Variants in DAB1 observed in about 807,000 individuals in gnomAD.
The protein encoded by DAB1 is DAB adaptor protein 1.
Under a neutral mutation model 64.6 loss-of-function variants are expected in DAB1, and 15 were observed. The ratio of observed to expected loss-of-function variants is 0.23; its 90% CI spans 0.16 to 0.36. DAB1 has a LOEUF of 0.36. Ranked by LOEUF, DAB1 falls within the 10% of genes least tolerant of loss-of-function variation. The pLI is 1.00. For synonymous variants in DAB1, 235 were observed against 251.9 expected (o/e 0.93, Z 0.64); for missense variants, 596 against 706.7 (o/e 0.84, Z 1.78).
intron 7 of DAB1, among the ~76,000 whole-genome samples, chr1:57,501,336 G>A (rs1234849814): frequency 2.0e-5 from 3 of 152,220 alleles, no homozygotes; most frequent in African/African-American, 7.2e-5. Context: ...TAGCAGACAG[G>A]TGAATGCGGC....
At chr1:57,163,862 G>A (rs887809068) in intron 2 of DAB1, among the ~76,000 whole-genome samples, 2 of 152,104 alleles carry the variant, frequency 1.3e-5, no homozygotes, top group African/African-American at 2.4e-5. Context: ...TAATACAAAG[G>A]CATCAAAAGC....
chr1:57,308,819 T>C (rs1314213783), intron 1 of DAB1, among the ~76,000 whole-genome samples: 1 of 152,170 alleles, frequency 6.6e-6, no homozygotes, highest in Non-Finnish European at 1.5e-5. Context: ...GGAAGGAAAC[T>C]GACTTACCCT....
chr1:57,214,432 T>A (rs1666254312), intron 2 of DAB1, among the ~76,000 whole-genome samples: 1 of 152,176 alleles, frequency 6.6e-6, no homozygotes, highest in Non-Finnish European at 1.5e-5. Context: ...GAAGAGAGAT[T>A]CTTGTCTGTC....
intron 5 of DAB1, among the ~76,000 whole-genome samples, chr1:57,935,018 C>T (rs2102042643): frequency 6.6e-6 from 1 of 152,310 alleles, no homozygotes; most frequent in South Asian, 2.1e-4. Context: ...AAGACTCAGT[C>T]TCTTGTTCCA....
chr1:58,196,647 G>A lies in DAB1; in HGVS notation n.310-46059C>T, dbSNP rs191947617. 2.6e-5 allele frequency among the ~76,000 whole-genome samples: 4 copies of A among 152,292 alleles called. No homozygotes were observed. The East Asian group carries it at 7.7e-4, about 29-fold the overall frequency. The stretch of plus-strand genomic sequence containing the variant: ...CAGGAAACTTAAAATCACAGCAGAA[G>A]GTGAAGGAGAAGCAAGTGCCTTATT... On this transcript the variant is annotated intron_variant and non_coding_transcript_variant, in intron 4 of 20. Transcript: ENST00000485760.
At chr1:57,010,648 G>T in intron 14 of DAB1, 32 bp downstream of exon 14, 1 of 1,233,940 alleles carries the variant, frequency 8.1e-7, no homozygotes, top group Non-Finnish European at 1.1e-6. Context: ...GATAGCTTAA[G>T]GGTAAAGGAG....
At chr1:57,565,591 A>C (rs541943737) in intron 7 of DAB1, among the ~76,000 whole-genome samples, 1 of 152,316 alleles carries the variant, frequency 6.6e-6, no homozygotes, top group Admixed American at 6.5e-5. Flanking sequence ...CTACCAAGCA[A>C]ATGGAAAACA....
intron 6 of DAB1, among the ~76,000 whole-genome samples, chr1:57,706,511 T>A (rs1646968415): frequency 6.6e-6 from 1 of 151,806 alleles, no homozygotes; most frequent in Non-Finnish European, 1.5e-5. Context: ...TAGAGATGGG[T>A]TTTTGCCATG....
Position 57,020,431 on chromosome 1 carries a change from G to A in DAB1, c.895+3100C>T, listed in dbSNP as rs531030889. ...GAATTATGATCATCCCCATTAAAACGGGGTAAGTTCCCTGAGGCTCAGAAG... is the reference window on the plus strand; with the variant it reads ...GAATTATGATCATCCCCATTAAAACAGGGTAAGTTCCCTGAGGCTCAGAAG... On this transcript the variant is annotated intron_variant, in intron 11 of 14. Transcript: ENST00000371236. Among the ~76,000 whole-genome samples the A allele has an allele frequency of 7.9e-5, 12 of 152,266 alleles. No homozygotes were observed. The South Asian group carries it at 1.5e-3, about 18-fold the overall frequency.
chr1:57,290,542 AG>A (rs1350693186), intron 2 of DAB1, among the ~76,000 whole-genome samples: 2 of 152,280 alleles, frequency 1.3e-5, no homozygotes, highest in Admixed American at 6.5e-5. Flanking sequence ...GGGATGGGGA[AG>A]GGGGGTGGTT....
intron 4 of DAB1, among the ~76,000 whole-genome samples, chr1:58,277,048 T>C (rs189164760): frequency 4.4e-4 from 64 of 145,080 alleles, no homozygotes; most frequent in Admixed American, 1.6e-3. Flanking sequence ...TTTTTTTTTT[T>C]TTTTTTTTTG....
chr1:58,337,384 C>T (rs1435346282), intron 4 of DAB1, among the ~76,000 whole-genome samples: 1 of 151,502 alleles, frequency 6.6e-6, no homozygotes, highest in Non-Finnish European at 1.5e-5. Flanking sequence ...ATAATTTGTA[C>T]CAGAATAATA....
chr1:57,418,179 G>A (rs112942164), intron 1 of DAB1, among the ~76,000 whole-genome samples: 1 of 152,162 alleles, frequency 6.6e-6, no homozygotes, highest in Non-Finnish European at 1.5e-5. Flanking sequence ...TTGTTGAATG[G>A]ACATAGAAGT....
intron 4 of DAB1, among the ~76,000 whole-genome samples, chr1:57,116,922 C>G (rs1656189171): frequency 6.6e-6 from 1 of 152,152 alleles, no homozygotes; most frequent in Admixed American, 6.6e-5. Flanking sequence ...CAAAGCAGAA[C>G]TAGCATTTAT....
intron 1 of DAB1, among the ~76,000 whole-genome samples, chr1:57,344,651 A>T (rs893748089): frequency 5.3e-5 from 8 of 151,964 alleles, no homozygotes; most frequent in African/African-American, 1.7e-4. Flanking sequence ...TACGCAGTTC[A>T]TGATGGCACT....
At chr1:58,198,621 A>G (rs1054414127) in intron 4 of DAB1, among the ~76,000 whole-genome samples, 11 of 152,176 alleles carry the variant, frequency 7.2e-5, no homozygotes, top group African/African-American at 2.7e-4. Context: ...TTTCTGATAG[A>G]ATTGATTCAG....
At chr1:57,889,430 A>G (rs1644273462) in intron 5 of DAB1, among the ~76,000 whole-genome samples, 1 of 152,266 alleles carries the variant, frequency 6.6e-6, no homozygotes, top group African/African-American at 2.4e-5. Context: ...CTTGACCTTT[A>G]AAATCATTGA....
At chr1:58,181,971 G>A (rs755846662) in intron 4 of DAB1, among the ~76,000 whole-genome samples, 53 of 151,876 alleles carry the variant, frequency 3.5e-4, no homozygotes, top group Non-Finnish European at 5.9e-4. Flanking sequence ...ACTCTTTCTC[G>A]TAAGTCGGGT....
At chr1:58,512,449 C>T (rs573052972) in intron 2 of DAB1, among the ~76,000 whole-genome samples, 2 of 152,278 alleles carry the variant, frequency 1.3e-5, no homozygotes, top group South Asian at 4.1e-4. Flanking sequence ...ATTTGCACTC[C>T]ACATTCATTG....
Sources: allele counts gnomAD v4.1 joint callset (sites outside exome capture counted in the v4.1 genomes callset), GRCh38; gene constraint gnomAD v4.1.1; transcripts MANE v1.5; gene names NCBI Gene and HGNC (gene_info 2026-07-23, HGNC 2026-07-21).